The following ARID5B variants were observed in gnomAD, a reference collection of about 807,000 sequenced individuals.
ARID5B encodes the protein AT-rich interactive domain-containing protein 5B.
ARID5B carries 13 observed loss-of-function variants against 97.2 expected under a neutral mutation model. The observed-to-expected ratio is 0.13, with a 90% CI of 0.09 to 0.21. The LOEUF is 0.21. Among genes scored for constraint, ARID5B ranks in the 10% least tolerant of loss-of-function variants. The pLI, the probability that ARID5B is intolerant of heterozygous loss-of-function variation, is 1.00. For missense variants in ARID5B, 1,210 were observed against 1,465.3 expected (o/e 0.83, Z 2.84); for synonymous variants, 556 against 570.3 (o/e 0.97, Z 0.36).
chr10:61,944,916 T>C (rs1000715730), intron 3 of ARID5B, among the ~76,000 whole-genome samples: 2 of 152,088 alleles, frequency 1.3e-5, no homozygotes, highest in African/African-American at 4.8e-5. Context: ...AAAGATTATG[T>C]GTGGGGGTCT....
Position 62,000,364 on chromosome 10 carries a change from G to A in ARID5B, c.733+43G>A, listed in dbSNP as rs1371215618. On this transcript the variant is annotated intron_variant, in intron 4 of 9. Coordinates refer to ENST00000279873, the MANE Select transcript of ARID5B (RefSeq NM_032199.3). This position sits in a 1 kb window ranked among gnomAD's most constrained non-coding sequence, Gnocchi z 4.4. ...TTTCCTACCTGATTCTTGTGCGTGT[G>A]TGCCTAGTTGTTTTCAGTTCTTCTG... 3 of 1,505,380 alleles carry A rather than the reference G, an allele frequency of 2.0e-6. No individual in the cohort carries two copies. The South Asian group carries it at 3.6e-5, about 18-fold the overall frequency. 93.3% of individuals were successfully genotyped at this position (1,505,380 alleles called of 1,614,324 possible).
intron 4 of ARID5B, among the ~76,000 whole-genome samples, chr10:62,031,231 C>A (rs1839494050): frequency 6.6e-6 from 1 of 152,104 alleles, no homozygotes; most frequent in Non-Finnish European, 1.5e-5. Flanking sequence ...GAGACTCCGT[C>A]TCAAAAAAAG....
intron 2 of ARID5B, among the ~76,000 whole-genome samples, chr10:61,936,370 C>T (rs375073442): frequency 1.3e-5 from 2 of 152,246 alleles, no homozygotes; most frequent in Admixed American, 6.5e-5. Context: ...GTAATCCCAG[C>T]GCCCTGGGAG....
chr10:62,043,716 G>A (rs999075902), intron 4 of ARID5B, among the ~76,000 whole-genome samples: 5 of 152,300 alleles, frequency 3.3e-5, no homozygotes, highest in Non-Finnish European at 5.9e-5. Context: ...GAGAGACGGC[G>A]GATCAGGAAA....
intron 4 of ARID5B, among the ~76,000 whole-genome samples, chr10:62,038,933 T>C (rs1447985557): frequency 6.6e-6 from 1 of 152,224 alleles, no homozygotes; most frequent in Non-Finnish European, 1.5e-5. Context: ...TTTCTCCACC[T>C]TCCGATTGCC....
In ARID5B at chr10:62,092,121, C is replaced by T. The variant is rs1840386983; in HGVS notation, c.2658C>T (p.Ser886=). The T allele has an allele frequency of 6.2e-7, 1 of 1,610,166 alleles. No homozygotes were observed. Among genetic ancestry groups the T allele is most frequent in the Non-Finnish European group, 8.5e-7 (1 of 1,178,672 alleles). Residue 886 remains serine, a synonymous_variant, in exon 10 of 10, where the codon TCC becomes TCT. Transcript: ENST00000279873. The stretch of plus-strand genomic sequence containing the variant: ...AGCTCCATGTAAATTATCTCACGTC[C>T]CTGCACCTGCAAGACAAAAAGTCGG... ...QEKLHVNYLT[S]LHLQDKKSAA...
At chr10:62,014,447 G>A (rs78149301) in intron 4 of ARID5B, among the ~76,000 whole-genome samples, 1 of 152,154 alleles carries the variant, frequency 6.6e-6, no homozygotes, top group Non-Finnish European at 1.5e-5. Flanking sequence ...CTGAAGGTAG[G>A]GGGTATGTTC....
intron 3 of ARID5B, among the ~76,000 whole-genome samples, chr10:61,993,952 C>T (rs904037320): frequency 6.6e-6 from 1 of 151,540 alleles, no homozygotes. Context: ...AGCTTTATAA[C>T]GTGAGCACAT....
Position 62,087,298 on chromosome 10 carries a change from C to CAAAAAAAAAA in ARID5B, c.1398+1409_1398+1418dup, listed in dbSNP as rs71299289. Among the ~76,000 whole-genome samples the CAAAAAAAAAA allele has an allele frequency of 2.4e-3, 99 of 40,922 alleles. 11 individuals carry two copies. The highest frequency in any genetic ancestry group is 9.1e-3 in the African/African-American group (86 of 9,470). The allele number at this position is 40,922 out of a possible 152,430, so 26.8% of individuals were successfully genotyped here. On this transcript the variant is annotated intron_variant, in intron 9 of 9. Transcript: ENST00000279873. Reference sequence around the variant, plus strand: ...TGGGTGACAGAGAGAGACTCTATCTCAAAAAAAAAAAAAAAAAAAAGGAAA... The same window carrying CAAAAAAAAAA: ...TGGGTGACAGAGAGAGACTCTATCTCAAAAAAAAAAAAAAAAAAAAAAAAAAAAAAGGAAA...
intron 2 of ARID5B, among the ~76,000 whole-genome samples, chr10:61,939,750 A>AGT (rs548928385): frequency 2.4e-3 from 363 of 152,348 alleles, no homozygotes; most frequent in Admixed American, 0.011. Flanking sequence ...GGTGAGTCAG[A>AGT]GTTCCAAGAA....
chr10:62,067,609 CTG>C (rs2132951326), intron 7 of ARID5B, among the ~76,000 whole-genome samples: 1 of 152,350 alleles, frequency 6.6e-6, no homozygotes, highest in Non-Finnish European at 1.5e-5. Flanking sequence ...TCCCAGAGTT[CTG>C]TGTTACCAAC....
intron 3 of ARID5B, among the ~76,000 whole-genome samples, chr10:61,957,548 C>T (rs569649141): frequency 5.9e-5 from 9 of 152,310 alleles, no homozygotes; most frequent in Admixed American, 1.3e-4. Flanking sequence ...GGATTACAGG[C>T]GCAAGCCACT....
chr10:62,026,306 G>T (rs1317095906), intron 4 of ARID5B, among the ~76,000 whole-genome samples: 1 of 152,208 alleles, frequency 6.6e-6, no homozygotes, highest in Admixed American at 6.5e-5. Flanking sequence ...TAGCAGATAT[G>T]TGTGGTGTGG....
At chr10:61,994,927 T>TAAAATAGGC (rs1371219407) in intron 3 of ARID5B, among the ~76,000 whole-genome samples, 2 of 152,142 alleles carry the variant, frequency 1.3e-5, no homozygotes, top group African/African-American at 4.8e-5. Flanking sequence ...TGTTTCATTT[T>TAAAATAGGC]AAAATAGGCA....
chr10:62,051,585 A>T (rs994674337), intron 5 of ARID5B, among the ~76,000 whole-genome samples: 2 of 152,224 alleles, frequency 1.3e-5, no homozygotes, highest in African/African-American at 4.8e-5. Flanking sequence ...ATGAAAGTAA[A>T]TTCTACGCTG....
At chr10:62,017,872 C>G (rs1045536647) in intron 4 of ARID5B, among the ~76,000 whole-genome samples, 3 of 152,140 alleles carry the variant, frequency 2.0e-5, no homozygotes, top group African/African-American at 7.2e-5. Flanking sequence ...GCAAAATTCA[C>G]TGATAATGTT....
chr10:62,084,285 A>G (rs932493060), intron 8 of ARID5B, among the ~76,000 whole-genome samples: 1 of 152,254 alleles, frequency 6.6e-6, no homozygotes, highest in Admixed American at 6.5e-5. Flanking sequence ...AGAGCAAAAT[A>G]TTAGGATCAC....
intron 2 of ARID5B, among the ~76,000 whole-genome samples, chr10:61,929,287 A>G (rs780017620): frequency 3.3e-5 from 5 of 152,164 alleles, no homozygotes; most frequent in Admixed American, 1.3e-4. Context: ...AAAGCCTGGG[A>G]TGTTCAGGGA....
chr10:62,008,059 ACAACACACACACACAC>A (rs1839168784), intron 4 of ARID5B, among the ~76,000 whole-genome samples: 1 of 10,274 alleles, frequency 9.7e-5, no homozygotes, highest in Non-Finnish European at 2.0e-4. Flanking sequence ...CCCCCGCCCC[ACAACACACACACACAC>A]ACACACACAC....
Sources: allele counts gnomAD v4.1 joint callset (sites outside exome capture counted in the v4.1 genomes callset), GRCh38; gene constraint gnomAD v4.1.1; non-coding constraint Gnocchi (gnomAD v3.1); transcripts MANE v1.5; gene names NCBI Gene and HGNC (gene_info 2026-07-23, HGNC 2026-07-21).